Variants in SORBS3 observed in about 807,000 individuals in gnomAD.
SORBS3 encodes the protein sorbin and SH3 domain containing 3.
SORBS3 carries 69 observed loss-of-function variants against 98.0 expected under a neutral mutation model. The observed-to-expected ratio is 0.70, with a 90% CI of 0.58 to 0.86. The LOEUF is 0.86. Ranked by LOEUF, SORBS3 falls within the 40% of genes least tolerant of loss-of-function variation. The probability of loss-of-function intolerance (pLI) is 0.00; values close to 1 mark genes in which losing one functional copy is unlikely to be tolerated. For synonymous variants in SORBS3, 394 were observed against 355.4 expected (o/e 1.11, Z -1.22); for missense variants, 954 against 908.5 (o/e 1.05, Z -0.64).
chr8:22,553,655 TG>T (rs1329364643), intron 1 of SORBS3, among the ~76,000 whole-genome samples: 8 of 152,136 alleles, frequency 5.3e-5, no homozygotes, highest in Non-Finnish European at 8.8e-5. Context: ...CAAAACAGCC[TG>T]GAGGGGCGGG....
At chr8:22,570,220 A>G (rs1326916389) in intron 17 of SORBS3, among the ~76,000 whole-genome samples, 3 of 152,200 alleles carry the variant, frequency 2.0e-5, no homozygotes, top group Non-Finnish European at 4.4e-5. Context: ...CAGAGGGGGA[A>G]GAAGGTGGCT....
chr8:22,555,108 A>G, intron 3 of SORBS3, 128 bp downstream of exon 3: 1 of 784,576 alleles, frequency 1.3e-6, no homozygotes, highest in East Asian at 2.5e-5. Context: ...GAGGTTCCTC[A>G]GAGGCCTCTG....
At chr8:22,563,928 T>C in intron 7 of SORBS3, 59 bp from the exon 8 acceptor site, 1 of 1,330,108 alleles carries the variant, frequency 7.5e-7, no homozygotes, top group East Asian at 2.3e-5. Context: ...GGCTGTGTGC[T>C]GGCTTCTGCC....
At chr8:22,553,860 C>A (rs1224797595) in intron 1 of SORBS3, among the ~76,000 whole-genome samples, 2 of 152,020 alleles carry the variant, frequency 1.3e-5, no homozygotes, top group Admixed American at 6.5e-5. Context: ...GGGCCCGATG[C>A]TCCCTGTGAG....
chr8:22,563,021 A>G (rs956898701), intron 7 of SORBS3, among the ~76,000 whole-genome samples: 59 of 152,066 alleles, frequency 3.9e-4, no homozygotes, highest in Non-Finnish European at 5.7e-4. Flanking sequence ...CGGGAGGCTG[A>G]GGTAGGAGAA....
At chr8:22,545,009 G>C (rs1840002742) in exon 1 of SORBS3, 1 of 152,226 alleles carries the variant, frequency 6.6e-6, no homozygotes, top group South Asian at 2.1e-4. Flanking sequence ...GGCAGAGGGA[G>C]GGTGAACCCA....
At position 22,554,834 on chromosome 8, in the gene SORBS3, G is replaced by A. The variant is rs1366227157; in HGVS notation, c.103-29G>A. 7 of 1,513,908 alleles carry A rather than the reference G, an allele frequency of 4.6e-6. No individual in the cohort carries two copies. The highest frequency in any genetic ancestry group is 6.4e-6 in the Non-Finnish European group (7 of 1,091,494). 93.8% of individuals were successfully genotyped at this position (1,513,908 alleles called of 1,614,324 possible). A position where few individuals can be genotyped will look rare whatever the true frequency, so the allele number is the denominator to read the frequency against. On this transcript the variant is annotated intron_variant, in intron 2 of 20. Coordinates refer to ENST00000240123, the MANE Select transcript of SORBS3 (RefSeq NM_005775.5). The surrounding 1 kb of genome is among the most constrained non-coding windows in gnomAD (Gnocchi z 6.5). Reference sequence around the variant, plus strand: ...CCTCCCTCCCGCCCTGCTGGGCCCTGAGCTGCCGCTCCTGGCCCCTCCCCG... The same window carrying A: ...CCTCCCTCCCGCCCTGCTGGGCCCTAAGCTGCCGCTCCTGGCCCCTCCCCG...
rs769279204 is a variant in SORBS3 at position 22,569,148 on chromosome 8, G to C, written c.1306G>C (p.Val436Leu). 1 of 1,603,244 alleles carries C rather than the reference G, an allele frequency of 6.2e-7. No individual in the cohort carries two copies. Among genetic ancestry groups the C allele is most frequent in the Non-Finnish European group, 8.5e-7 (1 of 1,174,828 alleles). ...LGIFPANYVE[V>L]LPADEIPKPI... Reference sequence around the variant, plus strand: ...TTTCTCATGACCTTTCTTCATGCAGGTGCTGCCCGCAGATGAGATCCCTAA... The same window carrying C: ...TTTCTCATGACCTTTCTTCATGCAGCTGCTGCCCGCAGATGAGATCCCTAA... Residue 436 changes from valine to leucine, a missense_variant and splice_region_variant, in exon 17 of 21, where the codon GTG (valine) becomes CTG (leucine). Val to Leu is a conservative substitution (Grantham distance 32). Coordinates refer to ENST00000240123, the MANE Select transcript of SORBS3 (RefSeq NM_005775.5).
chr8:22,565,699 C>G (rs1029923793), intron 11 of SORBS3, 127 bp from the exon 12 acceptor site: 55 of 1,226,458 alleles, frequency 4.5e-5, no homozygotes, highest in Non-Finnish European at 5.0e-5. Context: ...CGCGCGGGCG[C>G]CTCTAGGACC....
At chr8:22,545,943 TTC>T (rs1285791095) in intron 1 of SORBS3, among the ~76,000 whole-genome samples, 1 of 152,220 alleles carries the variant, frequency 6.6e-6, no homozygotes, top group Non-Finnish European at 1.5e-5. Flanking sequence ...TTCCCAATAG[TTC>T]TGTCAGCAGG....
Position 22,552,032 on chromosome 8 carries a change from G to T in SORBS3, c.-56+10G>T. 1.0e-6 allele frequency: 1 copy of T among 985,270 alleles called. No individual in the cohort carries two copies. The allele number at this position is 985,270 out of a possible 1,614,324, so 61.0% of individuals were successfully genotyped here. On this transcript the variant is annotated intron_variant, in intron 1 of 20. Transcript: ENST00000240123. Reference sequence around the variant, plus strand: ...CTGCTCGCCGGGGAAGGTAGGTCCGGGCAAGGAGGGGCGGGGAGTAGGCGA... The same window carrying T: ...CTGCTCGCCGGGGAAGGTAGGTCCGTGCAAGGAGGGGCGGGGAGTAGGCGA...
In SORBS3 at chr8:22,571,231, C is replaced by T. The variant is rs143018122; in HGVS notation, c.1743+10C>T. 3.3e-6 allele frequency: 5 copies of T among 1,513,246 alleles called. No individual in the cohort carries two copies. The African/African-American group carries it at 4.1e-5, about 12-fold the overall frequency. 93.7% of individuals were successfully genotyped at this position (1,513,246 alleles called of 1,614,324 possible). On this transcript the variant is annotated intron_variant, in intron 18 of 20. Coordinates refer to ENST00000240123, the MANE Select transcript of SORBS3 (RefSeq NM_005775.5). ...TAGACCCCAGACCCAGGTGAGGTAG[C>T]CTGCCTCCACCAGAGAGTCGACCTC...
chr8:22,566,427 G>A lies in SORBS3; in HGVS notation c.1033G>A (p.Asp345Asn), dbSNP rs749196061. The A allele has an allele frequency of 3.1e-6, 5 of 1,614,056 alleles. No individual in the cohort carries two copies. Among genetic ancestry groups the A allele is most frequent in the Non-Finnish European group, 4.2e-6 (5 of 1,179,976 alleles). The change falls in exon 13 of 21, where the codon GAT becomes AAT. Residue 345 changes from aspartate to asparagine, a missense_variant. Coordinates refer to ENST00000240123, the MANE Select transcript of SORBS3 (RefSeq NM_005775.5). ...ARSLSPHKMADGGSPFLGRRD... is the reference protein window; with the variant it reads ...ARSLSPHKMANGGSPFLGRRD... ...GTCCCTGAGTCCCCACAAAATGGCT[G>A]ATGGAGGAAGCCCCTTCCTAGGTCG...
upstream of SORBS3, among the ~76,000 whole-genome samples, chr8:22,548,679 A>T (rs192649517): frequency 2.0e-5 from 3 of 152,250 alleles, no homozygotes; most frequent in African/African-American, 7.2e-5. Context: ...CCCAGGGTAG[A>T]TCTCAGAGGG....
chr8:22,572,352 G>C lies in SORBS3; in HGVS notation c.1860G>C (p.Met620Ile), dbSNP rs1840610018. ...ACGCTTCTCGCAGGTACCGGGCGAT[G>C]TACCAGTACAGGCCCCAGAACGAAG... ...SQIHWTPYRAMYQYRPQNEDE... is the reference protein window; with the variant it reads ...SQIHWTPYRAIYQYRPQNEDE... Residue 620 changes from methionine (M) to isoleucine (I), a missense_variant, in exon 20 of 21, where the codon ATG (methionine) becomes ATC (isoleucine). Physicochemically the swap from Met to Ile is conservative, Grantham distance 10 (BLOSUM62 1). Transcript: ENST00000240123. 1 of 1,613,786 alleles carries C rather than the reference G, an allele frequency of 6.2e-7. No homozygotes were observed. The highest frequency in any genetic ancestry group is 1.3e-5 in the African/African-American group (1 of 74,914).
intron 1 of SORBS3, among the ~76,000 whole-genome samples, chr8:22,552,831 G>A (rs1292951508): frequency 3.3e-5 from 5 of 152,228 alleles, no homozygotes; most frequent in Non-Finnish European, 7.3e-5. Context: ...CCCGCAAGGG[G>A]AGGTGGAGTG....
rs763085941 is a variant in SORBS3, at chr8:22,571,091, G to A, written c.1613G>A (p.Arg538His). ...PTSPRLTAAA[R>H]SARHPSSPSA... ...TCTCCCCGCCTGACCGCTGCCGCCC[G>A]CTCAGCCCGTCACCCCAGCTCCCCC... Residue 538 changes from arginine (R) to histidine (H), a missense_variant, in exon 18 of 21, where the codon CGC (arginine) becomes CAC (histidine). Arg to His is a conservative substitution (Grantham distance 29). Coordinates refer to ENST00000240123, the MANE Select transcript of SORBS3 (RefSeq NM_005775.5). 1.1e-5 allele frequency: 18 copies of A among 1,610,522 alleles called. No individual in the cohort carries two copies. Among genetic ancestry groups the A allele is most frequent in the South Asian group, 4.4e-5 (4 of 90,948 alleles).
chr8:22,563,068 G>C (rs886330900), intron 7 of SORBS3, among the ~76,000 whole-genome samples: 2 of 152,036 alleles, frequency 1.3e-5, no homozygotes, highest in Non-Finnish European at 2.9e-5. Context: ...GCAGTGAGCC[G>C]GGATTGCGCC....
intron 5 of SORBS3, 117 bp from the exon 6 acceptor site, chr8:22,561,218 G>A (rs1163577105): frequency 1.5e-5 from 14 of 963,974 alleles, no homozygotes; most frequent in Non-Finnish European, 2.0e-5. Flanking sequence ...TTCAGGCCCT[G>A]ACTCAGCCCT....
Sources: allele counts gnomAD v4.1 joint callset (sites outside exome capture counted in the v4.1 genomes callset), GRCh38; gene constraint gnomAD v4.1.1; non-coding constraint Gnocchi (gnomAD v3.1); transcripts MANE v1.5; gene names NCBI Gene and HGNC (gene_info 2026-07-23, HGNC 2026-07-21).